WASHC5: variants seen among roughly 807,000 people sequenced by gnomAD.
WASHC5 encodes the protein WASH complex subunit 5, also known as WASH complex subunit strumpellin.
Under a neutral mutation model 150.4 loss-of-function variants are expected in WASHC5, and 101 were observed. The ratio of observed to expected loss-of-function variants is 0.67; its 90% CI spans 0.57 to 0.79. The LOEUF (loss-of-function observed/expected upper bound fraction) is 0.79, where lower values mean the gene tolerates loss of function less well. WASHC5 is among the 30% of genes least tolerant of loss of function. WASHC5 has a pLI of 0.00. For missense variants in WASHC5, 1,195 were observed against 1,396.3 expected, an observed-to-expected ratio of 0.86 and a Z score of 2.30; for synonymous variants, 467 against 491.2, an observed-to-expected ratio of 0.95 and a Z score of 0.65.
chr8:125,025,783 AC>A (rs953280024), intron 28 of WASHC5, among the ~76,000 whole-genome samples: 1 of 151,816 alleles, frequency 6.6e-6, no homozygotes, highest in African/African-American at 2.4e-5. Flanking sequence ...GAAAATAAAA[AC>A]TGGCAACTTT....
At chr8:125,060,180 A>C (rs1816550272) in intron 12 of WASHC5, among the ~76,000 whole-genome samples, 1 of 152,218 alleles carries the variant, frequency 6.6e-6, no homozygotes, top group Non-Finnish European at 1.5e-5. Flanking sequence ...TTATGAGTAA[A>C]AATGATGTTT....
intron 8 of WASHC5, among the ~76,000 whole-genome samples, 179 bp from the exon 9 acceptor site, chr8:125,073,503 T>C (rs1816964417): frequency 6.6e-6 from 1 of 152,114 alleles, no homozygotes. Context: ...TGGACTACAG[T>C]TATAGGGCTC....
rs200456170 is a variant in WASHC5 at position 125,067,653 on chromosome 8, T to C, written c.1217A>G (p.Asn406Ser). 170 of 1,613,586 alleles carry C rather than the reference T, an allele frequency of 1.1e-4. 1 individual carries two copies. The highest frequency in any genetic ancestry group is 4.7e-4 in the South Asian group (43 of 91,080). The change falls in exon 10 of 29, where the codon AAT (asparagine) becomes AGT (serine). Residue 406 changes from asparagine (N) to serine (S), a missense_variant. Coordinates refer to ENST00000318410, the MANE Select transcript of WASHC5 (RefSeq NM_014846.4). ...KDQILTDSRY[N>S]PRILFQLLLD... ...CAGCAGCTGGAAGAGGATCCTGGGA[T>C]TGTACCGAGAGTCTGTTAGAATCTG...
In WASHC5 at chr8:125,037,030, A is replaced by G. The variant is rs554197212; in HGVS notation, c.3181+207T>C. On this transcript the variant is annotated intron_variant, in intron 26 of 28. Transcript: ENST00000318410. ...CTCCATCTCAAAAATAAATAAATAA[A>G]TAAATAAAAATAAGAATAAACCCAC... Among the ~76,000 whole-genome samples, 5 of 152,274 alleles carry G rather than the reference A, an allele frequency of 3.3e-5. No individual in the cohort carries two copies. The South Asian group carries it at 1.0e-3, about 32-fold the overall frequency.
At chr8:125,025,202 A>T (rs1274755633) in intron 28 of WASHC5, among the ~76,000 whole-genome samples, 1 of 152,202 alleles carries the variant, frequency 6.6e-6, no homozygotes, top group Non-Finnish European at 1.5e-5. Context: ...GGTAGAATGT[A>T]GAGGTAGGTG....
At chr8:125,085,880 T>C (rs1484121883) in intron 1 of WASHC5, among the ~76,000 whole-genome samples, 3 of 152,192 alleles carry the variant, frequency 2.0e-5, no homozygotes, top group African/African-American at 7.2e-5. Context: ...CCTTCTTACA[T>C]TCCCCTCTGC....
intron 16 of WASHC5, among the ~76,000 whole-genome samples, chr8:125,056,277 T>C (rs1816402750): frequency 6.6e-6 from 1 of 152,164 alleles, no homozygotes; most frequent in African/African-American, 2.4e-5. Flanking sequence ...GCTGAACTAT[T>C]ATTGAGTGAG....
intron 25 of WASHC5, among the ~76,000 whole-genome samples, 161 bp downstream of exon 25, chr8:125,038,669 G>C (rs968319147): frequency 2.3e-4 from 35 of 152,196 alleles, no homozygotes; most frequent in African/African-American, 8.4e-4. Context: ...GCCAGGCGGG[G>C]AAAGTGTGAT....
chr8:125,045,334 G>A (rs1255771233), intron 20 of WASHC5, among the ~76,000 whole-genome samples: 1 of 152,132 alleles, frequency 6.6e-6, no homozygotes, highest in Non-Finnish European at 1.5e-5. Context: ...CTTTCCATGT[G>A]CTATTTCATC....
At chr8:125,063,406 A>C in intron 11 of WASHC5, 116 bp downstream of exon 11, 1 of 1,132,342 alleles carries the variant, frequency 8.8e-7, no homozygotes, top group Admixed American at 1.7e-5. Context: ...TAAAGATGGA[A>C]TATCATAGGA....
chr8:125,056,622 T>C, intron 16 of WASHC5, 55 bp downstream of exon 16: 1 of 1,607,216 alleles, frequency 6.2e-7, no homozygotes, highest in African/African-American at 1.3e-5. Context: ...GCCTGTGATA[T>C]TTCATGACTG....
chr8:125,027,657 A>ACC (rs1815411940), intron 28 of WASHC5, among the ~76,000 whole-genome samples: 1 of 152,202 alleles, frequency 6.6e-6, no homozygotes, highest in Non-Finnish European at 1.5e-5. Flanking sequence ...TACTACAAAT[A>ACC]TGGTGCAGTG....
At chr8:125,064,565 C>T (rs1816694514) in intron 10 of WASHC5, among the ~76,000 whole-genome samples, 1 of 151,540 alleles carries the variant, frequency 6.6e-6, no homozygotes, top group African/African-American at 2.4e-5. Flanking sequence ...TTAAATTCTA[C>T]AAAGTCTTGG....
At position 125,083,122 on chromosome 8, in the gene WASHC5, T is replaced by C; in HGVS notation, c.323A>G (p.Asp108Gly). The C allele has an allele frequency of 1.3e-6, 2 of 1,536,140 alleles. No individual in the cohort carries two copies. The highest frequency in any genetic ancestry group is 1.8e-6 in the Non-Finnish European group (2 of 1,110,280). ...AFQSVHKYIV[D>G]LNRYLDDLNE... ...CTAAATAGATCAATACCTGTTTAAG[T>C]CTACAATATATTTATGTACACTTTG... is the stretch of plus-strand genomic sequence containing the variant. Residue 108 changes from aspartate (D) to glycine (G), a missense_variant, in exon 3 of 29, where the codon GAC (aspartate) becomes GGC (glycine). Asp to Gly is a moderately conservative substitution (Grantham distance 94, BLOSUM62 -1). Coordinates refer to ENST00000318410, the MANE Select transcript of WASHC5 (RefSeq NM_014846.4).
chr8:125,070,847 G>C (rs538113693), intron 9 of WASHC5, among the ~76,000 whole-genome samples: 29 of 152,360 alleles, frequency 1.9e-4, no homozygotes, highest in African/African-American at 7.0e-4. Context: ...AGAGAAGGCT[G>C]AGGGGAAACT....
At chr8:125,059,998 T>A (rs1389313537) in intron 12 of WASHC5, among the ~76,000 whole-genome samples, 1 of 152,226 alleles carries the variant, frequency 6.6e-6, no homozygotes, top group African/African-American at 2.4e-5. Flanking sequence ...TGTGCAATTG[T>A]TCTGGAATAA....
At chr8:125,045,535 T>TA (rs1156826432) in intron 20 of WASHC5, among the ~76,000 whole-genome samples, 1 of 152,182 alleles carries the variant, frequency 6.6e-6, no homozygotes, top group African/African-American at 2.4e-5. Flanking sequence ...GAATCTGATT[T>TA]AATAGTTCTG....
At chr8:125,066,796 C>T (rs1428923396) in intron 10 of WASHC5, among the ~76,000 whole-genome samples, 1 of 152,166 alleles carries the variant, frequency 6.6e-6, no homozygotes, top group Non-Finnish European at 1.5e-5. Flanking sequence ...CCAAAGACGA[C>T]TTGATATTCT....
chr8:125,083,971 A>G lies in WASHC5; in HGVS notation c.-73T>C. 1 of 1,405,582 alleles carries G rather than the reference A, an allele frequency of 7.1e-7. No individual in the cohort carries two copies. Among genetic ancestry groups the G allele is most frequent in the Non-Finnish European group, 9.9e-7 (1 of 1,006,240 alleles). The allele number at this position is 1,405,582 out of a possible 1,614,324, so 87.1% of individuals were successfully genotyped here. A position where few individuals can be genotyped will look rare whatever the true frequency, so the allele number is the denominator to read the frequency against. ...CTGGCCTCAGAGCTGGTGTCTGTAT[A>G]TTATTAGATGAAACCAGGTGTGCAG... On this transcript the variant is annotated 5_prime_UTR_variant, in exon 2 of 29. Transcript: ENST00000318410.
Sources: allele counts gnomAD v4.1 joint callset (sites outside exome capture counted in the v4.1 genomes callset), GRCh38; gene constraint gnomAD v4.1.1; transcripts MANE v1.5; gene names NCBI Gene and HGNC (gene_info 2026-07-23, HGNC 2026-07-21).